The following ITGA8 variants were observed in gnomAD, a reference collection of about 807,000 sequenced individuals.
ITGA8 encodes integrin subunit alpha 8, also known as integrin alpha-8.
A neutral mutation model predicts 142.3 loss-of-function variants in ITGA8; 91 were observed. That is an observed-to-expected ratio of 0.64 (90% CI 0.54 to 0.76). The LOEUF (loss-of-function observed/expected upper bound fraction) is 0.76, where lower values mean the gene tolerates loss of function less well. ITGA8 is among the 30% of genes least tolerant of loss of function. The pLI, the probability that ITGA8 is intolerant of heterozygous loss-of-function variation, is 0.00. For missense variants in ITGA8, 1,406 were observed against 1,327.7 expected, an observed-to-expected ratio of 1.06 and a Z score of -0.92; for synonymous variants, 505 against 485.2, an observed-to-expected ratio of 1.04 and a Z score of -0.54.
intron 3 of ITGA8, 36 bp downstream of exon 3, chr10:15,687,902 C>A: frequency 7.9e-7 from 1 of 1,261,280 alleles, no homozygotes; most frequent in South Asian, 1.2e-5. Context: ...ACACCATACT[C>A]CAAAGCAGCA....
intron 20 of ITGA8, 55 bp downstream of exon 20, chr10:15,604,153 A>G (rs2131607411): frequency 1.3e-6 from 2 of 1,525,040 alleles, no homozygotes; most frequent in East Asian, 2.3e-5. Flanking sequence ...CTTAACATTT[A>G]CTTGACTTCA....
intron 27 of ITGA8, among the ~76,000 whole-genome samples, chr10:15,547,301 A>G (rs1833692179): frequency 6.6e-6 from 1 of 152,208 alleles, no homozygotes; most frequent in Admixed American, 6.5e-5. Context: ...GCCAGGAGCA[A>G]TGGCTCATGC....
intron 10 of ITGA8, among the ~76,000 whole-genome samples, 162 bp downstream of exon 10, chr10:15,658,833 ATCTG>A (rs930255671): frequency 4.5e-4 from 69 of 152,240 alleles, no homozygotes; most frequent in African/African-American, 1.7e-3. Flanking sequence ...GCTGGATGGG[ATCTG>A]TCTGTCTGAT....
chr10:15,653,888 G>A (rs1220075136), intron 11 of ITGA8, among the ~76,000 whole-genome samples: 1 of 150,268 alleles, frequency 6.7e-6, no homozygotes, highest in African/African-American at 2.5e-5. Context: ...AGGCTGGAGT[G>A]CAGTGGTGCA....
chr10:15,525,614 C>T (rs922506985), intron 28 of ITGA8, among the ~76,000 whole-genome samples: 5 of 120,512 alleles, frequency 4.1e-5, no homozygotes, highest in African/African-American at 1.6e-4. Context: ...CACTGCACTC[C>T]AGCCTGGGTG....
At chr10:15,677,776 C>T (rs192783993) in intron 5 of ITGA8, 139 bp from the exon 6 acceptor site, 471 of 623,844 alleles carry the variant, frequency 7.5e-4, no homozygotes, top group Middle Eastern at 2.7e-3. Flanking sequence ...AGAGATCCTT[C>T]GGAGGCCTGC....
At chr10:15,517,341 TA>T in intron 29 of ITGA8, 97 bp from the exon 30 acceptor site, 7 of 692,384 alleles carry the variant, frequency 1.0e-5, no homozygotes, top group Admixed American at 3.0e-5. Flanking sequence ...TTTTTTTTTT[TA>T]AACTGAGTCT....
At chr10:15,694,333 C>CATATATCAGATAAT (rs1564412430) in intron 2 of ITGA8, among the ~76,000 whole-genome samples, 2 of 124,390 alleles carry the variant, frequency 1.6e-5, no homozygotes, top group East Asian at 2.1e-4. Flanking sequence ...GATAATATAT[C>CATATATCAGATAAT]ATATATCAGA....
Position 15,671,527 on chromosome 10 carries a change from A to G in ITGA8, c.847+76T>C, listed in dbSNP as rs148400120. On this transcript the variant is annotated intron_variant, in intron 8 of 29. Transcript: ENST00000378076. ...TGGTATAGCAAATAAAATCACATTG[A>G]TAGAAAAAACTTTATATGCCATTTT... 1.3e-5 allele frequency: 16 copies of G among 1,205,022 alleles called. No individual in the cohort carries two copies. In the South Asian group the frequency reaches 2.0e-4, roughly 15 times the overall value. 74.6% of individuals were successfully genotyped at this position (1,205,022 alleles called of 1,614,324 possible). A position where few individuals can be genotyped will look rare whatever the true frequency, so the allele number is the denominator to read the frequency against.
intron 11 of ITGA8, among the ~76,000 whole-genome samples, chr10:15,649,933 C>T (rs1021655601): frequency 1.3e-5 from 2 of 152,176 alleles, no homozygotes; most frequent in African/African-American, 4.8e-5. Context: ...CACAAAATTA[C>T]ACTCCTTGGC....
At chr10:15,643,933 C>T in intron 13 of ITGA8, 97 bp downstream of exon 13, 2 of 1,050,898 alleles carry the variant, frequency 1.9e-6, no homozygotes, top group Middle Eastern at 2.2e-4. Context: ...TCAGCCTCAT[C>T]TGTAGAAGAA....
At chr10:15,614,740 T>G (rs1306809675) in intron 14 of ITGA8, among the ~76,000 whole-genome samples, 1 of 152,118 alleles carries the variant, frequency 6.6e-6, no homozygotes, top group African/African-American at 2.4e-5. Context: ...TGAATGGGTT[T>G]ACAGCACTGC....
At chr10:15,647,161 G>T in intron 11 of ITGA8, 110 bp from the exon 12 acceptor site, 2 of 792,908 alleles carry the variant, frequency 2.5e-6, no homozygotes, top group Non-Finnish European at 2.1e-6. Flanking sequence ...TTCCTTTTCT[G>T]AGGGTTATTT....
intron 4 of ITGA8, among the ~76,000 whole-genome samples, chr10:15,683,558 A>G (rs375738333): frequency 5.9e-5 from 9 of 152,390 alleles, no homozygotes; most frequent in East Asian, 5.8e-4. Context: ...CAATCTGCAT[A>G]CACAGCTGGT....
At chr10:15,567,232 T>C (rs1391107101) in intron 25 of ITGA8, among the ~76,000 whole-genome samples, 2 of 152,114 alleles carry the variant, frequency 1.3e-5, no homozygotes, top group African/African-American at 2.4e-5. Flanking sequence ...CAATAGGTTT[T>C]ACTTTTTCAA....
At chr10:15,567,145 A>AC (rs1243030271) in intron 25 of ITGA8, among the ~76,000 whole-genome samples, 2 of 146,648 alleles carry the variant, frequency 1.4e-5, no homozygotes, top group Non-Finnish European at 3.0e-5. Flanking sequence ...ACAGAGTAAG[A>AC]CCCCATCTCA....
At chr10:15,561,226 T>TACAC (rs750452088) in intron 25 of ITGA8, among the ~76,000 whole-genome samples, 36 of 106,588 alleles carry the variant, frequency 3.4e-4, no homozygotes, top group African/African-American at 1.4e-3. Context: ...TATATATATA[T>TACAC]ATATATATGT....
chr10:15,627,180 AC>A (rs1833599910), intron 13 of ITGA8, among the ~76,000 whole-genome samples: 1 of 152,186 alleles, frequency 6.6e-6, no homozygotes, highest in African/African-American at 2.4e-5. Context: ...GCCAGGATCC[AC>A]TGAATTGAAG....
intron 2 of ITGA8, among the ~76,000 whole-genome samples, chr10:15,699,471 T>A (rs1178859608): frequency 6.6e-6 from 1 of 152,220 alleles, no homozygotes. Flanking sequence ...AGATGATAGA[T>A]AGATACATAC....
Sources: gnomAD v4.1 joint callset for allele counts (sites outside exome capture counted in the v4.1 genomes callset) on GRCh38, gnomAD v4.1.1 for gene constraint, MANE v1.5 for transcripts, NCBI Gene and HGNC (gene_info 2026-07-23, HGNC 2026-07-21) for gene names.